CTTN: variants seen among roughly 807,000 people sequenced by gnomAD.
CTTN encodes src substrate cortactin.
CTTN carries 28 observed loss-of-function variants against 84.0 expected under a neutral mutation model. The ratio of observed to expected loss-of-function variants is 0.33; its 90% CI spans 0.25 to 0.46. The LOEUF (loss-of-function observed/expected upper bound fraction) is 0.46, where lower values mean the gene tolerates loss of function less well. CTTN is among the 20% of genes least tolerant of loss of function. The pLI is 1.00. For synonymous variants in CTTN, 301 were observed against 288.8 expected, an observed-to-expected ratio of 1.04 and a Z score of -0.43; for missense variants, 641 against 723.8, an observed-to-expected ratio of 0.89 and a Z score of 1.31.
In CTTN at chr11:70,409,963, A is replaced by C; in HGVS notation, c.291+3A>C. The stretch of plus-strand genomic sequence containing the variant: ...TGGAACAAGACCGAATGGATAAGGT[A>C]AGTGGCCCGCGGCTGCCTATGCCAG... On this transcript the variant is annotated splice_donor_region_variant and intron_variant, in intron 5 of 17. Coordinates refer to ENST00000301843, the MANE Select transcript of CTTN (RefSeq NM_005231.4). The C allele has an allele frequency of 1.2e-6, 2 of 1,613,920 alleles. No homozygotes were observed. The highest frequency in any genetic ancestry group is 1.7e-6 in the Non-Finnish European group (2 of 1,179,992).
chr11:70,417,776 G>A (rs2058181599), intron 8 of CTTN, among the ~76,000 whole-genome samples: 1 of 152,236 alleles, frequency 6.6e-6, no homozygotes, highest in Non-Finnish European at 1.5e-5. Context: ...GATTACAGGT[G>A]TGAGCCACTG....
At chr11:70,421,943 C>T in intron 11 of CTTN, 1 of 245,998 alleles carries the variant, frequency 4.1e-6, no homozygotes, top group African/African-American at 2.2e-5. Flanking sequence ...GCCACTGAGT[C>T]AGGCCTTCCA....
intron 1 of CTTN, among the ~76,000 whole-genome samples, chr11:70,402,729 G>A (rs1213729411): frequency 6.6e-6 from 1 of 152,206 alleles, no homozygotes; most frequent in East Asian, 1.9e-4. Flanking sequence ...GTATCTATCA[G>A]TTGATGGACA....
In CTTN at chr11:70,435,486, C is replaced by T; in HGVS notation, c.*324C>T. The T allele has an allele frequency of 6.4e-7, 1 of 1,553,280 alleles. No individual in the cohort carries two copies. The highest frequency in any genetic ancestry group is 2.4e-5 in the East Asian group (1 of 42,416). On this transcript the variant is annotated 3_prime_UTR_variant, in exon 18 of 18. Coordinates refer to ENST00000301843, the MANE Select transcript of CTTN (RefSeq NM_005231.4). Reference sequence around the variant, plus strand: ...GGCAGCTTCAGGGAGCTCGCATTCTCTTGTGTTCGTGTTGCCCTCGTGCCC... The same window carrying T: ...GGCAGCTTCAGGGAGCTCGCATTCTTTTGTGTTCGTGTTGCCCTCGTGCCC...
Position 70,435,265 on chromosome 11 carries a change from T to G in CTTN, c.*103T>G, listed in dbSNP as rs1353487038. On this transcript the variant is annotated 3_prime_UTR_variant, in exon 18 of 18. Transcript: ENST00000301843. Reference sequence around the variant, plus strand: ...TTGGGTTTTTTCTGTTTTTTTTTTTTTTTTTTTTTTTTTGAAGGTGGGGAG... The same window carrying G: ...TTGGGTTTTTTCTGTTTTTTTTTTTGTTTTTTTTTTTTTGAAGGTGGGGAG... 5.0e-6 allele frequency: 7 copies of G among 1,388,466 alleles called. No homozygotes were observed. Among genetic ancestry groups the G allele is most frequent in the Admixed American group, 3.4e-5 (1 of 29,292 alleles). 86.0% of individuals were successfully genotyped at this position (1,388,466 alleles called of 1,614,324 possible). A position where few individuals can be genotyped will look rare whatever the true frequency, so the allele number is the denominator to read the frequency against.
Position 70,421,048 on chromosome 11 carries a change from C to T in CTTN, c.791-422C>T, listed in dbSNP as rs2058230413. 2.0e-5 allele frequency among the ~76,000 whole-genome samples: 3 copies of T among 152,214 alleles called. No individual in the cohort carries two copies. In the South Asian group the frequency reaches 6.2e-4, roughly 31 times the overall value. ...AAAAGGAGCCTGAGGGGGCTGAAAG[C>T]CTCTCAGTGTGACCCAGCCCTGAGA... On this transcript the variant is annotated intron_variant, in intron 10 of 17. Coordinates refer to ENST00000301843, the MANE Select transcript of CTTN (RefSeq NM_005231.4).
intron 1 of CTTN, among the ~76,000 whole-genome samples, chr11:70,404,250 G>A (rs1039676327): frequency 2.0e-5 from 3 of 152,180 alleles, no homozygotes; most frequent in African/African-American, 4.8e-5. Flanking sequence ...TTCCTAATGC[G>A]TGAGAAACCA....
Position 70,420,568 on chromosome 11 carries a change from G to A in CTTN, c.790+58G>A, listed in dbSNP as rs182051864. Reference sequence around the variant, plus strand: ...TTAGAAGTTTGTTTTTGTTCCTTGCGGGGTCAGTTGGTATGTGTTGTGTCT... The same window carrying A: ...TTAGAAGTTTGTTTTTGTTCCTTGCAGGGTCAGTTGGTATGTGTTGTGTCT... On this transcript the variant is annotated intron_variant, in intron 10 of 17. Coordinates refer to ENST00000301843, the MANE Select transcript of CTTN (RefSeq NM_005231.4). 2.0e-5 allele frequency: 25 copies of A among 1,256,714 alleles called. No homozygotes were observed. In the East Asian group the frequency reaches 3.0e-4, roughly 15 times the overall value. The allele number at this position is 1,256,714 out of a possible 1,614,324, so 77.8% of individuals were successfully genotyped here.
At chr11:70,407,627 T>G (rs201100144) in intron 4 of CTTN, 36 bp downstream of exon 4, 1 of 1,598,862 alleles carries the variant, frequency 6.3e-7, no homozygotes, top group African/African-American at 1.3e-5. Context: ...CGAGGGCCCC[T>G]CTGCGGATGG....
intron 7 of CTTN, 192 bp from the exon 8 acceptor site, chr11:70,416,821 C>T: frequency 1.8e-6 from 1 of 570,976 alleles, no homozygotes. Flanking sequence ...CCCAGAACCC[C>T]CCCATGCACC....
In CTTN at chr11:70,420,439, C is replaced by G. The variant is rs762095944; in HGVS notation, c.719C>G (p.Thr240Arg). 12 of 1,614,088 alleles carry G rather than the reference C, an allele frequency of 7.4e-6. No individual in the cohort carries two copies. The highest frequency in any genetic ancestry group is 5.0e-5 in the Admixed American group (3 of 60,010). Residue 240 changes from threonine to arginine, a missense_variant, in exon 10 of 18, where the codon ACA (threonine) becomes AGA (arginine). Transcript: ENST00000301843. ...KGFGGKFGVQ[T>R]DRQDKCALGW... is the part of the protein sequence containing the mutation. ...TTTGGAGGAAAATTTGGTGTGCAGA[C>G]AGACAGACAAGACAAATGTGCCCTT...
chr11:70,415,820 G>A, intron 7 of CTTN, 103 bp downstream of exon 7: 1 of 1,127,738 alleles, frequency 8.9e-7, no homozygotes, highest in Non-Finnish European at 1.3e-6. Flanking sequence ...CCCTGATGGG[G>A]AGAGTCACAG....
At chr11:70,418,429 G>A (rs1326429913) in intron 8 of CTTN, among the ~76,000 whole-genome samples, 1 of 152,248 alleles carries the variant, frequency 6.6e-6, no homozygotes, top group Non-Finnish European at 1.5e-5. Flanking sequence ...AGGGAGCACA[G>A]GCCGAGCACC....
chr11:70,412,253 C>A (rs2058103653), intron 5 of CTTN, among the ~76,000 whole-genome samples: 1 of 152,050 alleles, frequency 6.6e-6, no homozygotes, highest in Non-Finnish European at 1.5e-5. Flanking sequence ...ATAGCAAGAC[C>A]CTATCTCTAC....
chr11:70,410,036 C>T lies in CTTN; in HGVS notation c.291+76C>T, dbSNP rs539125794. ...TAGACTGGGTGGCAGAGTCGTCCCTCAGTCTTTCCTTAGATCAGCAGTTTT... is the reference window on the plus strand; with the variant it reads ...TAGACTGGGTGGCAGAGTCGTCCCTTAGTCTTTCCTTAGATCAGCAGTTTT... On this transcript the variant is annotated intron_variant, in intron 5 of 17. Coordinates refer to ENST00000301843, the MANE Select transcript of CTTN (RefSeq NM_005231.4). 2.0e-5 allele frequency: 30 copies of T among 1,529,456 alleles called. No homozygotes were observed. The South Asian group carries it at 2.8e-4, about 14-fold the overall frequency. The allele number at this position is 1,529,456 out of a possible 1,614,324, so 94.7% of individuals were successfully genotyped here.
intron 12 of CTTN, 57 bp downstream of exon 12, chr11:70,423,052 C>T (rs915054924): frequency 2.1e-5 from 33 of 1,599,638 alleles, no homozygotes; most frequent in Middle Eastern, 1.7e-4. Flanking sequence ...TCTTGGTGGG[C>T]GTGGCTCACC....
intron 8 of CTTN, among the ~76,000 whole-genome samples, chr11:70,418,906 AG>A (rs1186470274): frequency 6.7e-6 from 1 of 150,042 alleles, no homozygotes; most frequent in East Asian, 2.0e-4. Context: ...TCTCCTGAGT[AG>A]CCGGGATTAC....
chr11:70,414,325 A>G (rs954652280), intron 5 of CTTN, among the ~76,000 whole-genome samples: 1 of 150,388 alleles, frequency 6.6e-6, no homozygotes, highest in Non-Finnish European at 1.5e-5. Context: ...AGCCTGGGCA[A>G]CAGAGCAAGA....
intron 10 of CTTN, 126 bp downstream of exon 10, chr11:70,420,636 T>A (rs1452930710): frequency 2.8e-6 from 2 of 721,466 alleles, no homozygotes; most frequent in Non-Finnish European, 4.9e-6. Flanking sequence ...CTGTTTGAAG[T>A]TGTCCTGTGT....
Sources: gnomAD v4.1 joint callset for allele counts (sites outside exome capture counted in the v4.1 genomes callset) on GRCh38, gnomAD v4.1.1 for gene constraint, MANE v1.5 for transcripts, NCBI Gene and HGNC (gene_info 2026-07-23, HGNC 2026-07-21) for gene names.